The following ZNF827 variants were observed in gnomAD, a reference collection of about 807,000 sequenced individuals.
The protein encoded by ZNF827 is zinc finger protein 827.
In ZNF827, 13 loss-of-function variants were observed where a neutral mutation model predicts 102.4. That is an observed-to-expected ratio of 0.13 (90% CI 0.08 to 0.20). ZNF827 has a LOEUF of 0.20. ZNF827 is among the 10% of genes least tolerant of loss of function. The pLI is 1.00. For missense variants in ZNF827, 1,103 were observed against 1,344.4 expected, an observed-to-expected ratio of 0.82 and a Z score of 2.81; for synonymous variants, 523 against 536.2, an observed-to-expected ratio of 0.98 and a Z score of 0.34.
chr4:145,885,930 C>G lies in ZNF827; in HGVS notation c.1495G>C (p.Gly499Arg). Residue 499 changes from glycine (G) to arginine (R), a missense_variant, in exon 4 of 15, where the codon GGG becomes CGG. Physicochemically the swap from Gly to Arg is moderately radical, Grantham distance 125. Transcript: ENST00000508784. ...GGAGTGTTAGACGTCATCATGGTCC[C>G]CACTAGCTCTGTCCCTCCTCCTTCC... The part of the protein sequence containing the change: ...QREGGGTELV[G>R]TMMTSNTPER... 1 of 1,614,194 alleles carries G rather than the reference C, an allele frequency of 6.2e-7. No individual in the cohort carries two copies. The highest frequency in any genetic ancestry group is 8.5e-7 in the Non-Finnish European group (1 of 1,180,020).
At chr4:145,784,068 T>A (rs992486412) in intron 8 of ZNF827, among the ~76,000 whole-genome samples, 1 of 152,196 alleles carries the variant, frequency 6.6e-6, no homozygotes, top group Non-Finnish European at 1.5e-5. Context: ...ATGTAACATG[T>A]GCCTGCTTCC....
At chr4:145,825,889 T>C (rs1743627193) in intron 7 of ZNF827, among the ~76,000 whole-genome samples, 1 of 152,208 alleles carries the variant, frequency 6.6e-6, no homozygotes, top group Non-Finnish European at 1.5e-5. Flanking sequence ...AAAAGATTTC[T>C]TCTGAGGGAG....
intron 5 of ZNF827, among the ~76,000 whole-genome samples, chr4:145,858,555 T>C (rs1332238966): frequency 2.7e-5 from 4 of 150,252 alleles, no homozygotes; most frequent in African/African-American, 9.8e-5. Context: ...GGTGGGAGGA[T>C]AGCTTGAGGC....
intron 8 of ZNF827, among the ~76,000 whole-genome samples, chr4:145,781,235 A>AT (rs1738006551): frequency 6.6e-6 from 1 of 150,580 alleles, no homozygotes; most frequent in African/African-American, 2.4e-5. Flanking sequence ...AAAGAAAAAA[A>AT]AAAAAAGAAA....
intron 5 of ZNF827, among the ~76,000 whole-genome samples, chr4:145,864,714 T>C (rs530651132): frequency 6.6e-6 from 1 of 152,222 alleles, no homozygotes; most frequent in African/African-American, 2.4e-5. Context: ...TTTTTGGACT[T>C]ACTAGACTGA....
intron 6 of ZNF827, among the ~76,000 whole-genome samples, chr4:145,847,006 T>G (rs951257071): frequency 6.0e-5 from 9 of 150,550 alleles, no homozygotes; most frequent in Admixed American, 6.0e-4. Flanking sequence ...ATACAAAAAT[T>G]AGCAGGGCGT....
chr4:145,767,002 A>AAGC (rs1461444089), intron 11 of ZNF827, among the ~76,000 whole-genome samples: 1 of 152,224 alleles, frequency 6.6e-6, no homozygotes, highest in Non-Finnish European at 1.5e-5. Flanking sequence ...ATAAAATATT[A>AAGC]AGCACCCAAC....
intron 1 of ZNF827, among the ~76,000 whole-genome samples, chr4:145,908,151 T>A (rs1752018519): frequency 6.6e-6 from 1 of 152,152 alleles, no homozygotes; most frequent in Non-Finnish European, 1.5e-5. Context: ...AGATTGTGAG[T>A]GCACAGTGAA....
Position 145,899,360 on chromosome 4 carries a change from G to C in ZNF827, c.1093+2806C>G, listed in dbSNP as rs569981153. ...TTGGGGAGGGTAGAGGGGACAGATG[G>C]AGATGATCCACCTTTCCTTCCACTC... On this transcript the variant is annotated intron_variant, in intron 2 of 14. Transcript: ENST00000508784. 2.0e-5 allele frequency among the ~76,000 whole-genome samples: 3 copies of C among 152,222 alleles called. No homozygotes were observed. In the South Asian group the frequency reaches 6.2e-4, roughly 32 times the overall value.
chr4:145,920,915 C>T (rs946308242), intron 1 of ZNF827, among the ~76,000 whole-genome samples: 2 of 152,098 alleles, frequency 1.3e-5, no homozygotes, highest in Admixed American at 6.5e-5. Context: ...CAAGAATGTA[C>T]AAAAATGAAT....
chr4:145,850,679 C>T (rs1388320186), intron 5 of ZNF827, among the ~76,000 whole-genome samples: 1 of 152,002 alleles, frequency 6.6e-6, no homozygotes, highest in Non-Finnish European at 1.5e-5. Flanking sequence ...ACTTGGGTCG[C>T]TATAAAATAA....
intron 3 of ZNF827, among the ~76,000 whole-genome samples, chr4:145,891,888 T>C (rs565196221): frequency 1.3e-5 from 2 of 152,202 alleles, no homozygotes; most frequent in South Asian, 2.1e-4. Context: ...CAGCTCTTCC[T>C]GAACTTGGCT....
chr4:145,823,543 G>A lies in ZNF827; in HGVS notation c.2280-18C>T, dbSNP rs1162080566. 3.2e-6 allele frequency: 5 copies of A among 1,561,698 alleles called. No individual in the cohort carries two copies. The highest frequency in any genetic ancestry group is 3.3e-5 in the Admixed American group (2 of 59,866). On this transcript the variant is annotated intron_variant, in intron 7 of 14. Coordinates refer to ENST00000508784, the MANE Select transcript of ZNF827 (RefSeq NM_001306215.2). ...AGAAAGGGCTGGGGTGGGGGAGGGG[G>A]AGTGAAGTTTAGTAAATTAAAGTTA...
intron 7 of ZNF827, among the ~76,000 whole-genome samples, chr4:145,840,049 A>T (rs1025719229): frequency 6.6e-6 from 1 of 152,256 alleles, no homozygotes; most frequent in African/African-American, 2.4e-5. Context: ...GTAGAGGAAT[A>T]GAACAAAGTA....
At chr4:145,816,636 G>C (rs1742620941) in intron 8 of ZNF827, among the ~76,000 whole-genome samples, 1 of 152,118 alleles carries the variant, frequency 6.6e-6, no homozygotes, top group African/African-American at 2.4e-5. Flanking sequence ...AGGCTGGTGG[G>C]GGACAGATGG....
rs1410649413 is a variant in ZNF827, at chr4:145,761,364, C to T, written c.*252G>A. On this transcript the variant is annotated 3_prime_UTR_variant, in exon 15 of 15. Coordinates refer to ENST00000508784, the MANE Select transcript of ZNF827 (RefSeq NM_001306215.2). This position sits in a 1 kb window ranked among gnomAD's most constrained non-coding sequence, Gnocchi z 6.8. The stretch of plus-strand genomic sequence containing the variant: ...ACTGGTCACAGTGGAAGGGCCGCTC[C>T]CCGGTGTGGACGCGCACGTGCTCGA... 1 of 1,289,950 alleles carries T rather than the reference C, an allele frequency of 7.8e-7. No individual in the cohort carries two copies. The highest frequency in any genetic ancestry group is 2.3e-5 in the Admixed American group (1 of 43,572). The allele number at this position is 1,289,950 out of a possible 1,614,324, so 79.9% of individuals were successfully genotyped here. A position where few individuals can be genotyped will look rare whatever the true frequency, so the allele number is the denominator to read the frequency against.
chr4:145,768,710 T>C (rs1305073652), intron 11 of ZNF827, among the ~76,000 whole-genome samples: 2 of 149,350 alleles, frequency 1.3e-5, no homozygotes, highest in Non-Finnish European at 3.0e-5. Flanking sequence ...GAGATTAAAT[T>C]AGCCAGGTGT....
chr4:145,825,936 A>T (rs1186391369), intron 7 of ZNF827, among the ~76,000 whole-genome samples: 1 of 152,228 alleles, frequency 6.6e-6, no homozygotes. Context: ...GATACTAAAA[A>T]TGCACAAAAG....
intron 6 of ZNF827, among the ~76,000 whole-genome samples, chr4:145,848,393 C>T (rs1300279014): frequency 6.6e-6 from 1 of 152,182 alleles, no homozygotes; most frequent in Admixed American, 6.5e-5. Flanking sequence ...ATTATGGCGA[C>T]AGACAGATTT....
Sources: gnomAD v4.1 joint callset for allele counts (sites outside exome capture counted in the v4.1 genomes callset) on GRCh38, gnomAD v4.1.1 for gene constraint, Gnocchi (gnomAD v3.1) non-coding constraint, MANE v1.5 for transcripts, NCBI Gene and HGNC (gene_info 2026-07-23, HGNC 2026-07-21) for gene names.